PDE1C: variants seen among roughly 807,000 people sequenced by gnomAD.
PDE1C encodes the protein dual specificity calcium/calmodulin-dependent 3',5'-cyclic nucleotide phosphodiesterase 1C.
Under a neutral mutation model 93.1 loss-of-function variants are expected in PDE1C, and 62 were observed. The ratio of observed to expected loss-of-function variants is 0.67; its 90% CI spans 0.54 to 0.82. The LOEUF (loss-of-function observed/expected upper bound fraction) is 0.82, where lower values mean the gene tolerates loss of function less well. Ranked by LOEUF, PDE1C falls within the 40% of genes least tolerant of loss-of-function variation. PDE1C has a pLI of 0.00. For missense variants in PDE1C, 742 were observed against 884.6 expected (o/e 0.84, Z 2.04); for synonymous variants, 325 against 310.1 (o/e 1.05, Z -0.50).
intron 1 of PDE1C, among the ~76,000 whole-genome samples, chr7:32,056,498 C>T (rs1260934374): frequency 6.6e-6 from 1 of 152,098 alleles, no homozygotes; most frequent in Non-Finnish European, 1.5e-5. Context: ...CCTTCTCCAA[C>T]TTATTGTGTC....
intron 3 of PDE1C, among the ~76,000 whole-genome samples, chr7:32,137,820 C>T (rs1186039313): frequency 6.6e-6 from 1 of 152,148 alleles, no homozygotes; most frequent in African/African-American, 2.4e-5. Context: ...CTCCAATTCT[C>T]TTTGACATCA....
At chr7:32,144,808 T>C (rs948646851) in intron 3 of PDE1C, among the ~76,000 whole-genome samples, 71 of 152,042 alleles carry the variant, frequency 4.7e-4, no homozygotes. Flanking sequence ...CTCAACTATT[T>C]CCCCCTTAAT....
In PDE1C at chr7:31,848,044, A is replaced by T; in HGVS notation, c.904T>A (p.Leu302Ile). The T allele has an allele frequency of 6.2e-7, 1 of 1,613,186 alleles. No individual in the cohort carries two copies. Among genetic ancestry groups the T allele is most frequent in the Non-Finnish European group, 8.5e-7 (1 of 1,179,476 alleles). ...TGCAGAAGGCGATAAGCTGCACTTA[A>T]ATGGTGATTCTCCAGTACAGATCTG... Reference protein sequence around the residue: ...NDRSVLENHHLSAAYRLLQDD... With the variant: ...NDRSVLENHHISAAYRLLQDD... The change falls in exon 9 of 18, where the codon TTA becomes ATA. Residue 302 changes from leucine to isoleucine, a missense_variant. By Grantham distance (5) the Leu-to-Ile change is conservative. This residue lies in a region of PDE1C where 205 missense variants were observed against 295.3 expected (regional missense o/e 0.69). Coordinates refer to ENST00000396191, the MANE Select transcript of PDE1C (RefSeq NM_001191057.4).
chr7:32,124,259 G>A lies in PDE1C; in HGVS notation c.308+45526C>T, dbSNP rs568870062. ...CTCATGGGTAGGAAGAATCAATAGCGTGAAAATGGCCATATTGACCAAAGT... is the reference window on the plus strand; with the variant it reads ...CTCATGGGTAGGAAGAATCAATAGCATGAAAATGGCCATATTGACCAAAGT... On this transcript the variant is annotated intron_variant, in intron 3 of 18. Transcript: ENST00000396193. 4.6e-5 allele frequency among the ~76,000 whole-genome samples: 7 copies of A among 152,256 alleles called. No individual in the cohort carries two copies. In the South Asian group the frequency reaches 6.2e-4, roughly 14 times the overall value.
intron 1 of PDE1C, among the ~76,000 whole-genome samples, chr7:32,321,790 T>C (rs1171776276): frequency 1.3e-5 from 2 of 152,214 alleles, no homozygotes; most frequent in Non-Finnish European, 2.9e-5. Context: ...CCTGAATTAA[T>C]CCACCTATCT....
chr7:31,996,146 G>A (rs1784702483), intron 2 of PDE1C, among the ~76,000 whole-genome samples: 1 of 151,946 alleles, frequency 6.6e-6, no homozygotes, highest in Non-Finnish European at 1.5e-5. Flanking sequence ...AGTTGAGAGA[G>A]AGAGAAGCTG....
chr7:32,264,876 G>C (rs1221871790), intron 1 of PDE1C, among the ~76,000 whole-genome samples: 1 of 152,164 alleles, frequency 6.6e-6, no homozygotes, highest in Non-Finnish European at 1.5e-5. Context: ...TTTTCAAGAA[G>C]GCTTTTCCAA....
intron 2 of PDE1C, among the ~76,000 whole-genome samples, chr7:32,023,294 G>A (rs553974653): frequency 3.3e-5 from 5 of 152,100 alleles, no homozygotes; most frequent in Admixed American, 6.6e-5. Flanking sequence ...CATGATGTTG[G>A]TTAAAGATCA....
At chr7:32,150,212 T>C (rs1801156634) in intron 3 of PDE1C, among the ~76,000 whole-genome samples, 1 of 152,178 alleles carries the variant, frequency 6.6e-6, no homozygotes, top group Non-Finnish European at 1.5e-5. Context: ...TTGCTCCGGG[T>C]CACATCATTG....
intron 2 of PDE1C, among the ~76,000 whole-genome samples, chr7:32,020,475 G>A (rs905343767): frequency 6.6e-6 from 1 of 151,818 alleles, no homozygotes; most frequent in Non-Finnish European, 1.5e-5. Context: ...CACACAAAGC[G>A]ACACAAGGAC....
the PDE1C span, among the ~76,000 whole-genome samples, chr7:31,670,193 G>T: frequency 1.3e-5 from 2 of 152,120 alleles, no homozygotes; most frequent in Non-Finnish European, 2.9e-5. Flanking sequence ...TTTTTTGTTT[G>T]TTTGGATTTG....
chr7:31,755,573 A>AG (rs1054755112), intron 17 of PDE1C, among the ~76,000 whole-genome samples: 343 of 19,182 alleles, frequency 0.018, 4 homozygotes, highest in African/African-American at 0.057. Flanking sequence ...TGAAGTGTTC[A>AG]AAAAAAACAA....
intron 2 of PDE1C, among the ~76,000 whole-genome samples, chr7:32,176,693 AC>A (rs1233189907): frequency 7.6e-6 from 1 of 132,024 alleles, no homozygotes; most frequent in Non-Finnish European, 1.6e-5. Flanking sequence ...AAATATGCAC[AC>A]ACACGTACTC....
the PDE1C span, among the ~76,000 whole-genome samples, chr7:31,631,790 G>A: frequency 6.6e-6 from 1 of 152,204 alleles, no homozygotes; most frequent in African/African-American, 2.4e-5. Context: ...ATCTTCATAG[G>A]ATAGAGACTC....
chr7:32,309,412 C>T (rs1813109212), intron 1 of PDE1C, among the ~76,000 whole-genome samples: 1 of 152,184 alleles, frequency 6.6e-6, no homozygotes, highest in Non-Finnish European at 1.5e-5. Context: ...CACAAAGATA[C>T]TCCTCAAGAA....
intron 17 of PDE1C, among the ~76,000 whole-genome samples, chr7:31,763,537 CT>C (rs1562755285): frequency 6.6e-6 from 1 of 152,150 alleles, no homozygotes; most frequent in Non-Finnish European, 1.5e-5. Context: ...ATAATCTGTT[CT>C]AGCACTCAGG....
At chr7:31,930,212 G>C (rs905897795) in intron 2 of PDE1C, among the ~76,000 whole-genome samples, 1 of 151,962 alleles carries the variant, frequency 6.6e-6, no homozygotes, top group Non-Finnish European at 1.5e-5. Flanking sequence ...GACTAAAACA[G>C]GAGGAAGTCC....
chr7:31,767,456 A>G (rs1267170220), intron 17 of PDE1C, among the ~76,000 whole-genome samples: 1 of 152,026 alleles, frequency 6.6e-6, no homozygotes, highest in East Asian at 1.9e-4. Context: ...CTCTGGCAAT[A>G]TGAAGTGCTG....
chr7:31,790,188 G>C, intron 16 of PDE1C: 1 of 1,608,070 alleles, frequency 6.2e-7, no homozygotes. Context: ...GAATGAAGAA[G>C]CTCAGCTAGA....
Sources: gnomAD v4.1 joint callset for allele counts (sites outside exome capture counted in the v4.1 genomes callset) on GRCh38, gnomAD v4.1.1 for gene constraint, gnomAD v4.1.1 regional missense constraint, MANE v1.5 for transcripts, NCBI Gene and HGNC (gene_info 2026-07-23, HGNC 2026-07-21) for gene names.